Variants in RYR3 observed in about 807,000 individuals in gnomAD.
RYR3 encodes brain ryanodine receptor-calcium release channel.
In RYR3, 207 loss-of-function variants were observed where a neutral mutation model predicts 584.3. That is an observed-to-expected ratio of 0.35 (90% CI 0.32 to 0.40). The LOEUF is 0.40. Among genes scored for constraint, RYR3 ranks in the 10% least tolerant of loss-of-function variants. The pLI, the probability that RYR3 is intolerant of heterozygous loss-of-function variation, is 1.00. For missense variants in RYR3, 5,616 were observed against 6,089.2 expected, an observed-to-expected ratio of 0.92 and a Z score of 2.59; for synonymous variants, 2,416 against 2,248.5, an observed-to-expected ratio of 1.07 and a Z score of -2.11.
chr15:33,372,548 G>T (rs2040416348), intron 1 of RYR3, among the ~76,000 whole-genome samples: 1 of 151,748 alleles, frequency 6.6e-6, no homozygotes, highest in Non-Finnish European at 1.5e-5. Context: ...TGGATTTTTA[G>T]TAGAGACGAG....
intron 2 of RYR3, among the ~76,000 whole-genome samples, chr15:33,475,735 T>C (rs2049315439): frequency 6.6e-6 from 1 of 152,242 alleles, no homozygotes; most frequent in Admixed American, 6.5e-5. Context: ...TTTTCTGAGC[T>C]GAGTTTTCTC....
intron 60 of RYR3, among the ~76,000 whole-genome samples, chr15:33,764,523 C>T (rs1252729808): frequency 6.6e-6 from 1 of 151,716 alleles, no homozygotes; most frequent in East Asian, 1.9e-4. Context: ...GCGTGTATAC[C>T]TATGTAACAG....
rs563740175 is a variant in RYR3 at position 33,311,621 on chromosome 15, C to T, written c.51+525C>T. 7.9e-5 allele frequency among the ~76,000 whole-genome samples: 12 copies of T among 152,322 alleles called. No homozygotes were observed. In the South Asian group the frequency reaches 2.3e-3, roughly 29 times the overall value. On this transcript the variant is annotated intron_variant, in intron 1 of 103. Transcript: ENST00000634891. The surrounding 1 kb of genome is among the most constrained non-coding windows in gnomAD (Gnocchi z 4.4). ...AGCGGGCGCAGGCGCTTGGTCCTAG[C>T]CCTGGGATCGCTCGGAGGGGAATTC... is the stretch of plus-strand genomic sequence containing the variant.
At chr15:33,671,011 GTTGT>G (rs1320440976) in intron 38 of RYR3, among the ~76,000 whole-genome samples, 1 of 152,092 alleles carries the variant, frequency 6.6e-6, no homozygotes, top group Non-Finnish European at 1.5e-5. Flanking sequence ...GTTTGGGGGG[GTTGT>G]TTTTGGATTT....
At chr15:33,392,549 G>A (rs1344792484) in intron 1 of RYR3, among the ~76,000 whole-genome samples, 1 of 151,946 alleles carries the variant, frequency 6.6e-6, no homozygotes, top group Non-Finnish European at 1.5e-5. Context: ...CTAACTGAGG[G>A]GTGAGGAATT....
rs373214943 is a variant in RYR3, at chr15:33,635,607, A to G, written c.3176-7A>G. The G allele has an allele frequency of 2.5e-5, 40 of 1,611,864 alleles. No homozygotes were observed. In the African/African-American group the frequency reaches 2.9e-4, roughly 12 times the overall value. On this transcript the variant is annotated splice_region_variant and splice_polypyrimidine_tract_variant and intron_variant, in intron 25 of 103. Coordinates refer to ENST00000634891, the MANE Select transcript of RYR3 (RefSeq NM_001036.6). ...ACACCCTCTGTTCGCCTTTCTTCTC[A>G]CAATAGCTGACTCGGCTGTGGAGAA...
In RYR3 at chr15:33,810,965, T is replaced by C; in HGVS notation, c.10198-13T>C. ...TGATCTCCGGGAATAAAATCTGACATCTCTTTCCACAGAGGGACACAGATG... is the reference window on the plus strand; with the variant it reads ...TGATCTCCGGGAATAAAATCTGACACCTCTTTCCACAGAGGGACACAGATG... On this transcript the variant is annotated splice_polypyrimidine_tract_variant and intron_variant, in intron 71 of 103. Transcript: ENST00000634891. The C allele has an allele frequency of 6.2e-7, 1 of 1,601,506 alleles. No individual in the cohort carries two copies.
intron 1 of RYR3, among the ~76,000 whole-genome samples, chr15:33,423,623 C>T (rs575396769): frequency 6.6e-6 from 1 of 151,920 alleles, no homozygotes; most frequent in Non-Finnish European, 1.5e-5. Flanking sequence ...ATTCTGATTT[C>T]TCCACATCTT....
At chr15:33,597,497 G>C (rs1183639530) in intron 16 of RYR3, among the ~76,000 whole-genome samples, 1 of 151,878 alleles carries the variant, frequency 6.6e-6, no homozygotes, top group African/African-American at 2.4e-5. Flanking sequence ...TGTATTCCCA[G>C]CTACTCAGGA....
At chr15:33,550,767 GAGTTTC>G (rs1190356729) in intron 10 of RYR3, among the ~76,000 whole-genome samples, 4 of 152,142 alleles carry the variant, frequency 2.6e-5, no homozygotes, top group African/African-American at 9.7e-5. Context: ...TAAAAAGCAT[GAGTTTC>G]AGTGCTATAT....
intron 67 of RYR3, among the ~76,000 whole-genome samples, chr15:33,798,096 A>AT (rs76914470): frequency 2.0e-5 from 3 of 151,048 alleles, no homozygotes; most frequent in Non-Finnish European, 3.0e-5. Context: ...TTATTTATTT[A>AT]TTTTTTTTGA....
chr15:33,769,007 G>T, intron 61 of RYR3, 105 bp from the exon 62 acceptor site: 1 of 853,942 alleles, frequency 1.2e-6, no homozygotes. Flanking sequence ...TTATGTGTTG[G>T]TAGTTAATTA....
At position 33,533,329 on chromosome 15, in the gene RYR3, A is replaced by G. The variant is rs537840346; in HGVS notation, c.373A>G (p.Thr125Ala). 1 of 1,606,264 alleles carries G rather than the reference A, an allele frequency of 6.2e-7. No individual in the cohort carries two copies. The highest frequency in any genetic ancestry group is 8.5e-7 in the Non-Finnish European group (1 of 1,175,932). Residue 125 changes from threonine to alanine, a missense_variant, in exon 5 of 104, where the codon ACA (threonine) becomes GCA (alanine). Physicochemically the swap from Thr to Ala is moderately conservative, Grantham distance 58. Coordinates refer to ENST00000634891, the MANE Select transcript of RYR3 (RefSeq NM_001036.6). The stretch of plus-strand genomic sequence containing the variant: ...TTCACAGTATCTAACATGCTTGACT[A>G]CATCAAGATCCCAGACAGACAAACT... ...FSGMYLTCLT[T>A]SRSQTDKLAF...
chr15:33,668,455 T>G (rs1335013766), intron 36 of RYR3, among the ~76,000 whole-genome samples: 1 of 152,092 alleles, frequency 6.6e-6, no homozygotes, highest in Non-Finnish European at 1.5e-5. Context: ...GGGCAAATTT[T>G]TTAAAGATAA....
chr15:33,725,974 C>T (rs888094484), intron 45 of RYR3, among the ~76,000 whole-genome samples: 6 of 37,650 alleles, frequency 1.6e-4, no homozygotes, highest in East Asian at 1.4e-3. Context: ...CATCCCCCCC[C>T]CCAAAAAAAA....
In RYR3 at chr15:33,390,564, G is replaced by A. The variant is rs554718171; in HGVS notation, c.51+79468G>A. Among the ~76,000 whole-genome samples, 4 of 152,152 alleles carry A rather than the reference G, an allele frequency of 2.6e-5. No individual in the cohort carries two copies. Among genetic ancestry groups the A allele is most frequent in the African/African-American group, 7.2e-5 (3 of 41,420 alleles). ...GGGGGTGATAGGTGTGGAGAGAAGA[G>A]TTAACAAAGCAGGCATGAGGAGGCT... is the stretch of plus-strand genomic sequence containing the variant. On this transcript the variant is annotated intron_variant, in intron 1 of 103. Coordinates refer to ENST00000634891, the MANE Select transcript of RYR3 (RefSeq NM_001036.6). This position sits in a 1 kb window ranked among gnomAD's most constrained non-coding sequence, Gnocchi z 4.2.
chr15:33,482,374 TTCTTTA>T (rs1567336670), intron 2 of RYR3, among the ~76,000 whole-genome samples: 1 of 152,180 alleles, frequency 6.6e-6, no homozygotes, highest in East Asian at 1.9e-4. Flanking sequence ...TAACATTTTT[TTCTTTA>T]TCTTTGACTT....
intron 1 of RYR3, among the ~76,000 whole-genome samples, chr15:33,327,619 G>T (rs2140621351): frequency 6.6e-6 from 1 of 152,216 alleles, no homozygotes; most frequent in Non-Finnish European, 1.5e-5. Context: ...TGATCATATT[G>T]TGCAAATTTT....
chr15:33,842,853 G>A (rs1260547975), intron 91 of RYR3, among the ~76,000 whole-genome samples: 1 of 152,150 alleles, frequency 6.6e-6, no homozygotes, highest in Non-Finnish European at 1.5e-5. Context: ...CAGTCACACA[G>A]CACTTCAAGG....
Sources: allele counts gnomAD v4.1 joint callset (sites outside exome capture counted in the v4.1 genomes callset), GRCh38; gene constraint gnomAD v4.1.1; non-coding constraint Gnocchi (gnomAD v3.1); transcripts MANE v1.5; gene names NCBI Gene and HGNC (gene_info 2026-07-23, HGNC 2026-07-21).